GLYATL2: variants seen among roughly 807,000 people sequenced by gnomAD.
The protein encoded by GLYATL2 is glycine-N-acyltransferase like 2.
Under a neutral mutation model 21.4 loss-of-function variants are expected in GLYATL2, and 25 were observed. That is an observed-to-expected ratio of 1.17 (90% CI 0.85 to 1.63). GLYATL2 has a LOEUF of 1.63. Ranked by LOEUF, GLYATL2 falls within the 40% of genes most tolerant of loss-of-function variation. GLYATL2 has a pLI of 0.00. For synonymous variants in GLYATL2, 114 were observed against 118.2 expected (o/e 0.96, Z 0.23); for missense variants, 361 against 343.3 (o/e 1.05, Z -0.41).
intron 1 of GLYATL2, among the ~76,000 whole-genome samples, chr11:58,877,706 C>G (rs1298426146): frequency 6.6e-6 from 1 of 152,146 alleles, no homozygotes; most frequent in African/African-American, 2.4e-5. Flanking sequence ...ATAGAGATCA[C>G]TGATGGCTTT....
At position 58,864,573 on chromosome 11, in the gene GLYATL2, T is replaced by C. The variant is rs562586357; in HGVS notation, n.61-26205A>G. 1.3e-3 allele frequency among the ~76,000 whole-genome samples: 198 copies of C among 149,054 alleles called. 8 individuals are homozygous for C. The highest frequency in any genetic ancestry group is 5.5e-4 in the Admixed American group (8 of 14,566). ...TCCCTTTTCTTCTTCAACACAAAGG[T>C]TGCCTGTCTGTGTGCTCTGCTGCTC... On this transcript the variant is annotated intron_variant and non_coding_transcript_variant, in intron 1 of 4. Coordinates refer to the GLYATL2 transcript ENST00000533636.
chr11:58,858,690 A>T (rs903966467), intron 1 of GLYATL2, among the ~76,000 whole-genome samples: 1 of 152,224 alleles, frequency 6.6e-6, no homozygotes, highest in Non-Finnish European at 1.5e-5. Context: ...CCTGATTTAT[A>T]TTATGCCAGA....
chr11:58,905,152 C>T (rs568117650), upstream of GLYATL2, among the ~76,000 whole-genome samples: 1 of 152,364 alleles, frequency 6.6e-6, no homozygotes, highest in African/African-American at 2.4e-5. Context: ...AAGTTCCGCA[C>T]CCAGTAATGC....
At chr11:58,861,680 A>G (rs1013107334) in intron 1 of GLYATL2, among the ~76,000 whole-genome samples, 5 of 151,544 alleles carry the variant, frequency 3.3e-5, no homozygotes, top group African/African-American at 4.8e-5. Context: ...TTTTTTTTCA[A>G]TGTAAATGTT....
At chr11:58,881,317 C>T (rs879650478) in intron 1 of GLYATL2, among the ~76,000 whole-genome samples, 4 of 152,168 alleles carry the variant, frequency 2.6e-5, no homozygotes, top group Non-Finnish European at 4.4e-5. Flanking sequence ...AAATTTGGAA[C>T]CAGCCTAAGC....
chr11:58,851,336 T>C (rs895183640), intron 1 of GLYATL2, among the ~76,000 whole-genome samples: 3 of 152,212 alleles, frequency 2.0e-5, no homozygotes, highest in Admixed American at 6.5e-5. Context: ...TTAGCATCCA[T>C]TGAGATGATT....
chr11:58,888,276 A>G (rs1854477671), intron 1 of GLYATL2, among the ~76,000 whole-genome samples: 1 of 152,094 alleles, frequency 6.6e-6, no homozygotes, highest in Non-Finnish European at 1.5e-5. Context: ...TACTTGATTG[A>G]TGGAGATTTT....
At chr11:58,874,560 C>T (rs1185902682) in intron 1 of GLYATL2, among the ~76,000 whole-genome samples, 5 of 152,208 alleles carry the variant, frequency 3.3e-5, no homozygotes, top group Non-Finnish European at 2.9e-5. Flanking sequence ...AGTAGTCATT[C>T]AGGAGCAGGT....
chr11:58,849,633 C>A (rs1853704754), upstream of GLYATL2, among the ~76,000 whole-genome samples: 1 of 152,160 alleles, frequency 6.6e-6, no homozygotes, highest in South Asian at 2.1e-4. Flanking sequence ...GAATATCAAT[C>A]CTACTCAAAC....
At chr11:58,835,061 T>A (rs901738216) in intron 5 of GLYATL2, among the ~76,000 whole-genome samples, 6 of 152,156 alleles carry the variant, frequency 3.9e-5, no homozygotes, top group African/African-American at 1.4e-4. Context: ...AGAGACAGCA[T>A]GATATGTTAT....
At chr11:58,893,294 A>T in intron 1 of GLYATL2, 1 of 236,232 alleles carries the variant, frequency 4.2e-6, no homozygotes, top group Non-Finnish European at 8.9e-6. Context: ...ACATAGGTGA[A>T]CATGAGATTC....
upstream of GLYATL2, chr11:58,907,472 CTTTT>C (rs1301426806): frequency 1.3e-5 from 4 of 296,302 alleles, no homozygotes; most frequent in African/African-American, 1.8e-4. Flanking sequence ...GTATTTCGCT[CTTTT>C]TTGTTTGTTT....
chr11:58,863,774 A>T (rs952606925), intron 1 of GLYATL2, among the ~76,000 whole-genome samples: 16 of 152,100 alleles, frequency 1.1e-4, no homozygotes, highest in Non-Finnish European at 2.1e-4. Context: ...CCTGGGTCCT[A>T]GGACTGTAGG....
chr11:58,878,335 G>T, intron 1 of GLYATL2: 1 of 632,788 alleles, frequency 1.6e-6, no homozygotes, highest in Non-Finnish European at 2.4e-6. Context: ...GCTACATGCA[G>T]GATCCACTTG....
chr11:58,903,964 T>G (rs1854791202), intron 1 of GLYATL2, among the ~76,000 whole-genome samples: 1 of 152,320 alleles, frequency 6.6e-6, no homozygotes, highest in Middle Eastern at 3.4e-3. Context: ...ACACAGCATC[T>G]CCTTCCTCAG....
At position 58,886,814 on chromosome 11, in the gene GLYATL2, AAAT is replaced by A. The variant is rs776328705; in HGVS notation, n.60+17339_60+17341del. The stretch of plus-strand genomic sequence containing the variant: ...ATGTGGGTATAGACACTGAGCCTCC[AAAT>A]AATAATAAGCCACCCCAGGTCAAGA... On this transcript the variant is annotated intron_variant and non_coding_transcript_variant, in intron 1 of 4. Transcript: ENST00000533636. Among the ~76,000 whole-genome samples, 7 of 152,292 alleles carry A rather than the reference AAAT, an allele frequency of 4.6e-5. No individual in the cohort carries two copies. In the East Asian group the frequency reaches 9.6e-4, roughly 21 times the overall value.
At chr11:58,873,106 G>C (rs982023954) in intron 1 of GLYATL2, among the ~76,000 whole-genome samples, 5 of 151,046 alleles carry the variant, frequency 3.3e-5, no homozygotes, top group Non-Finnish European at 7.4e-5. Flanking sequence ...TGGTGCATAA[G>C]AATGCTTGTG....
chr11:58,897,556 C>T (rs557632742), intron 1 of GLYATL2, among the ~76,000 whole-genome samples: 3 of 152,186 alleles, frequency 2.0e-5, no homozygotes, highest in African/African-American at 4.8e-5. Flanking sequence ...AACACACACA[C>T]GGACGCACAC....
chr11:58,860,273 G>A (rs977794923), intron 1 of GLYATL2, among the ~76,000 whole-genome samples: 6 of 151,954 alleles, frequency 3.9e-5, no homozygotes, highest in African/African-American at 1.4e-4. Context: ...ATTTATTTGT[G>A]TTTTCTTCAC....
Sources: gnomAD v4.1 joint callset for allele counts (sites outside exome capture counted in the v4.1 genomes callset) on GRCh38, gnomAD v4.1.1 for gene constraint, MANE v1.5 for transcripts, NCBI Gene and HGNC (gene_info 2026-07-23, HGNC 2026-07-21) for gene names.